DNAH11: variants seen among roughly 807,000 people sequenced by gnomAD.
DNAH11 encodes axonemal beta dynein heavy chain 11.
Under a neutral mutation model 526.0 loss-of-function variants are expected in DNAH11, and 442 were observed. That is an observed-to-expected ratio of 0.84 (90% confidence interval 0.78 to 0.91). DNAH11 has a LOEUF of 0.91. DNAH11 is among the 40% of genes least tolerant of loss of function. DNAH11 has a pLI of 0.00. For missense variants in DNAH11, 6,989 were observed against 5,448.7 expected (o/e 1.28, Z -8.90); for synonymous variants, 2,461 against 1,935.9 (o/e 1.27, Z -7.12).
At chr7:21,617,867 T>C in intron 23 of DNAH11, 90 bp downstream of exon 23, 3 of 1,339,746 alleles carry the variant, frequency 2.2e-6, no homozygotes, top group East Asian at 4.8e-5. Context: ...GTGTAATTTA[T>C]GAAAAGACCC....
chr7:21,852,423 A>AAAT, intron 66 of DNAH11, 44 bp from the exon 67 acceptor site: 3 of 1,541,718 alleles, frequency 1.9e-6, no homozygotes, highest in Non-Finnish European at 2.6e-6. Flanking sequence ...AAAAAAAAAA[A>AAAT]GTACTTAACC....
At chr7:21,840,374 G>T (rs1381060247) in intron 65 of DNAH11, among the ~76,000 whole-genome samples, 2 of 151,956 alleles carry the variant, frequency 1.3e-5, no homozygotes, top group African/African-American at 4.8e-5. Context: ...AAATAATTGG[G>T]CTCTGGCTAA....
At chr7:21,855,783 A>G (rs1782822194) in intron 68 of DNAH11, among the ~76,000 whole-genome samples, 1 of 152,162 alleles carries the variant, frequency 6.6e-6, no homozygotes, top group African/African-American at 2.4e-5. Context: ...ATAGTTTTGG[A>G]CAAAACATAA....
chr7:21,631,053 A>G (rs1177471886), intron 25 of DNAH11, among the ~76,000 whole-genome samples: 1 of 152,192 alleles, frequency 6.6e-6, no homozygotes, highest in African/African-American at 2.4e-5. Flanking sequence ...TTACAGTTCC[A>G]TGTGGCTAGG....
intron 17 of DNAH11, 85 bp from the exon 18 acceptor site, chr7:21,601,311 A>T: frequency 7.6e-6 from 11 of 1,453,470 alleles, no homozygotes; most frequent in Non-Finnish European, 1.0e-5. Flanking sequence ...ACATAATGAA[A>T]ATAAGATTCA....
At chr7:21,890,181 A>G (rs1784281519) in intron 76 of DNAH11, among the ~76,000 whole-genome samples, 2 of 152,178 alleles carry the variant, frequency 1.3e-5, no homozygotes, top group Non-Finnish European at 2.9e-5. Context: ...ATGCAGATAA[A>G]TTGTCATTTC....
At chr7:21,621,092 G>C (rs941709744) in intron 25 of DNAH11, among the ~76,000 whole-genome samples, 1 of 152,016 alleles carries the variant, frequency 6.6e-6, no homozygotes, top group Non-Finnish European at 1.5e-5. Flanking sequence ...TAATGGGATG[G>C]CTGGGTCAAA....
At chr7:21,860,127 C>A (rs191347461) in intron 68 of DNAH11, among the ~76,000 whole-genome samples, 1 of 152,018 alleles carries the variant, frequency 6.6e-6, no homozygotes, top group African/African-American at 2.4e-5. Context: ...GAGCCACGGT[C>A]ACTCCACCGC....
intron 46 of DNAH11, among the ~76,000 whole-genome samples, chr7:21,738,439 TG>T (rs1393593740): frequency 1.3e-5 from 2 of 152,078 alleles, no homozygotes; most frequent in Non-Finnish European, 2.9e-5. Flanking sequence ...GTGATGACAA[TG>T]TGATGTCATG....
At chr7:21,606,200 G>C (rs1785273751) in intron 18 of DNAH11, among the ~76,000 whole-genome samples, 1 of 152,104 alleles carries the variant, frequency 6.6e-6, no homozygotes. Flanking sequence ...GTACATGCCT[G>C]TAGTTCCAGC....
chr7:21,702,899 C>T, intron 37 of DNAH11, 97 bp downstream of exon 37: 2 of 1,069,478 alleles, frequency 1.9e-6, no homozygotes, highest in Non-Finnish European at 2.7e-6. Flanking sequence ...GACAGCACAA[C>T]TTTTAAAAAG....
At chr7:21,776,266 C>T (rs1208850663) in intron 56 of DNAH11, among the ~76,000 whole-genome samples, 5 of 152,134 alleles carry the variant, frequency 3.3e-5, no homozygotes, top group East Asian at 1.9e-4. Context: ...GAAAGACTGA[C>T]GGTGATTTCT....
chr7:21,788,890 T>A (rs1788311383), intron 60 of DNAH11, among the ~76,000 whole-genome samples: 6 of 152,238 alleles, frequency 3.9e-5, no homozygotes, highest in Admixed American at 3.9e-4. Context: ...TTTATGCAAG[T>A]ACTTGTAACT....
At position 21,600,047 on chromosome 7, in the gene DNAH11, G is replaced by T. The variant is rs1361111937; in HGVS notation, c.2928G>T (p.Met976Ile). ...GCTTCTATGATCTTGTAGAAGAAATGTTATGCAATAGTTTTAGAATGTCTG... is the reference window on the plus strand; with the variant it reads ...GCTTCTATGATCTTGTAGAAGAAATTTTATGCAATAGTTTTAGAATGTCTG... ...GDGFYDLVEEMLCNSFRMSAQ... is the reference protein window; with the variant it reads ...GDGFYDLVEEILCNSFRMSAQ... The change falls in exon 15 of 82, where the codon ATG (methionine) becomes ATT (isoleucine). Residue 976 changes from methionine to isoleucine, a missense_variant. Coordinates refer to ENST00000409508, the MANE Select transcript of DNAH11 (RefSeq NM_001277115.2). 6.2e-7 allele frequency: 1 copy of T among 1,608,806 alleles called. No homozygotes were observed. Among genetic ancestry groups the T allele is most frequent in the Non-Finnish European group, 8.5e-7 (1 of 1,176,812 alleles).
intron 5 of DNAH11, among the ~76,000 whole-genome samples, chr7:21,563,058 A>G (rs961508955): frequency 5.3e-5 from 8 of 152,180 alleles, no homozygotes; most frequent in Non-Finnish European, 1.0e-4. Context: ...CTTGGGAGCA[A>G]AATGGAATCT....
At chr7:21,581,081 C>T (rs138222540) in intron 8 of DNAH11, among the ~76,000 whole-genome samples, 18 of 152,292 alleles carry the variant, frequency 1.2e-4, no homozygotes, top group Middle Eastern at 3.4e-3. Context: ...GTCATTAATT[C>T]TATTACCGTT....
chr7:21,843,121 G>T (rs1782278625), intron 66 of DNAH11, among the ~76,000 whole-genome samples: 1 of 152,186 alleles, frequency 6.6e-6, no homozygotes, highest in African/African-American at 2.4e-5. Flanking sequence ...TAAGGACCTG[G>T]TAGCTAGTTG....
At chr7:21,763,672 GA>G (rs1293139223) in intron 54 of DNAH11, among the ~76,000 whole-genome samples, 1 of 149,352 alleles carries the variant, frequency 6.7e-6, no homozygotes, top group African/African-American at 2.5e-5. Flanking sequence ...CAAGGACATT[GA>G]AACCAGGATC....
At chr7:21,661,839 G>A (rs1166368188) in intron 30 of DNAH11, among the ~76,000 whole-genome samples, 1 of 151,478 alleles carries the variant, frequency 6.6e-6, no homozygotes, top group East Asian at 1.9e-4. Flanking sequence ...TTTTTTTTGA[G>A]ATGGAGTTTC....
Sources: gnomAD v4.1 joint callset for allele counts (sites outside exome capture counted in the v4.1 genomes callset) on GRCh38, gnomAD v4.1.1 for gene constraint, MANE v1.5 for transcripts, NCBI Gene and HGNC (gene_info 2026-07-23, HGNC 2026-07-21) for gene names.